OPHN1: variants seen among roughly 807,000 people sequenced by gnomAD.
OPHN1 encodes the protein oligophrenin-1.
In OPHN1, 11 loss-of-function variants were observed where a neutral mutation model predicts 60.7. That is an observed-to-expected ratio of 0.18 (90% confidence interval 0.11 to 0.30). The LOEUF is 0.30. OPHN1 is among the 10% of genes least tolerant of loss of function. The probability of loss-of-function intolerance (pLI) is 1.00; values close to 1 mark genes in which losing one functional copy is unlikely to be tolerated. For synonymous variants in OPHN1, 226 were observed against 222.6 expected, an observed-to-expected ratio of 1.02 and a Z score of -0.14; for missense variants, 449 against 611.0, an observed-to-expected ratio of 0.73 and a Z score of 2.80.
rs764938384 is a variant in OPHN1, at chrX:68,157,819, A to C, written c.1276+35100T>G. 3.4e-3 allele frequency among the ~76,000 whole-genome samples: 383 copies of C among 112,945 alleles called. 3 individuals carry two copies. Among genetic ancestry groups the C allele is most frequent in the African/African-American group, 0.012 (373 of 31,119 alleles). ...ACAGACAAAATTCATACCCCTATGG[A>C]GCTTAAGTACTAACGATGGCAAAGA... is the stretch of plus-strand genomic sequence containing the variant. On this transcript the variant is annotated intron_variant, in intron 15 of 24. Coordinates refer to ENST00000355520, the MANE Select transcript of OPHN1 (RefSeq NM_002547.3).
intron 15 of OPHN1, among the ~76,000 whole-genome samples, chrX:68,157,814 T>G (rs997561938): frequency 7.1e-5 from 8 of 112,556 alleles, no homozygotes; most frequent in African/African-American, 2.6e-4. Flanking sequence ...TTCATACCCC[T>G]ATGGAGCTTA....
At chrX:68,239,367 T>C in intron 5 of OPHN1, among the ~76,000 whole-genome samples, 1 of 110,617 alleles carries the variant, frequency 9.0e-6, no homozygotes, top group Non-Finnish European at 1.9e-5. Flanking sequence ...TCTAGGGTCT[T>C]GGGGTTTTTA....
chrX:68,232,415 G>T (rs1464229229), intron 6 of OPHN1, among the ~76,000 whole-genome samples: 1 of 111,297 alleles, frequency 9.0e-6, no homozygotes, highest in Non-Finnish European at 1.9e-5. Flanking sequence ...TCACGGTGGT[G>T]TCACCCAAGA....
chrX:68,272,449 A>G (rs2077974418), intron 5 of OPHN1, among the ~76,000 whole-genome samples: 1 of 112,560 alleles, frequency 8.9e-6, no homozygotes, highest in Non-Finnish European at 1.9e-5. Context: ...ACCACAAAAC[A>G]ATGTTTTAGT....
intron 9 of OPHN1, among the ~76,000 whole-genome samples, chrX:68,209,584 A>G (rs1341660106): frequency 1.8e-5 from 2 of 111,602 alleles, no homozygotes; most frequent in African/African-American, 6.5e-5. Flanking sequence ...AAAAGAAAAG[A>G]GCAAACATAT....
intron 15 of OPHN1, among the ~76,000 whole-genome samples, chrX:68,137,636 T>C (rs951370010): frequency 1.3e-4 from 14 of 111,798 alleles, no homozygotes; most frequent in Non-Finnish European, 1.9e-5. Flanking sequence ...TATAATTATA[T>C]ATTGTTTGGC....
intron 4 of OPHN1, among the ~76,000 whole-genome samples, chrX:68,280,763 T>G (rs1296745393): frequency 9.0e-6 from 1 of 111,541 alleles, no homozygotes; most frequent in African/African-American, 3.3e-5. Flanking sequence ...TCCAATAATT[T>G]TCTGCTGGTG....
At position 68,409,829 on chromosome X, in the gene OPHN1, A is replaced by G. The variant is rs2078760989; in HGVS notation, c.154+23038T>C. Among the ~76,000 whole-genome samples, 3 of 112,164 alleles carry G rather than the reference A, an allele frequency of 2.7e-5. No individual in the cohort carries two copies. The South Asian group carries it at 1.1e-3, about 42-fold the overall frequency. On this transcript the variant is annotated intron_variant, in intron 2 of 24. Coordinates refer to ENST00000355520, the MANE Select transcript of OPHN1 (RefSeq NM_002547.3). ...CAAATAACGTCATATTTTCATGAGT[A>G]GACTTAGGAAACTCCTTTATGTGGG...
At chrX:68,068,417 G>T (rs1475683173) in intron 20 of OPHN1, among the ~76,000 whole-genome samples, 1 of 96,144 alleles carries the variant, frequency 1.0e-5, no homozygotes, top group African/African-American at 3.9e-5. Flanking sequence ...GTTGCAGTGA[G>T]CTGAGATCGC....
chrX:68,175,005 A>T (rs755366720), intron 15 of OPHN1, among the ~76,000 whole-genome samples: 1 of 109,254 alleles, frequency 9.2e-6, no homozygotes, highest in Admixed American at 9.8e-5. Context: ...AATTGCTGGA[A>T]CCTGGGAGGC....
At chrX:68,270,392 T>C (rs1341134461) in intron 5 of OPHN1, among the ~76,000 whole-genome samples, 1 of 110,447 alleles carries the variant, frequency 9.1e-6, no homozygotes, top group African/African-American at 3.3e-5. Flanking sequence ...ATATACACCA[T>C]GGAATACTAT....
intron 2 of OPHN1, among the ~76,000 whole-genome samples, chrX:68,318,067 A>G (rs1354416970): frequency 8.9e-6 from 1 of 112,349 alleles, no homozygotes; most frequent in Non-Finnish European, 1.9e-5. Context: ...AAATCAGTTC[A>G]GCAAAGCTGC....
chrX:68,353,408 G>GAAAAAA (rs766331200), intron 2 of OPHN1, among the ~76,000 whole-genome samples: 2 of 48,150 alleles, frequency 4.2e-5, no homozygotes, highest in Non-Finnish European at 8.0e-5. Flanking sequence ...GTCTCTACAG[G>GAAAAAA]AAAAAAAAAA....
chrX:68,168,104 C>T (rs779328813), intron 15 of OPHN1, among the ~76,000 whole-genome samples: 5 of 110,488 alleles, frequency 4.5e-5, no homozygotes, highest in Admixed American at 9.7e-5. Flanking sequence ...CGAGACAGAA[C>T]GTTAACAAGG....
At chrX:68,354,159 A>G (rs1299542923) in intron 2 of OPHN1, among the ~76,000 whole-genome samples, 2 of 110,920 alleles carry the variant, frequency 1.8e-5, no homozygotes, top group Non-Finnish European at 3.8e-5. Flanking sequence ...AGAAGTTATG[A>G]TAAGGCCAGG....
At chrX:68,271,786 G>A (rs1386402703) in intron 5 of OPHN1, among the ~76,000 whole-genome samples, 1 of 111,110 alleles carries the variant, frequency 9.0e-6, no homozygotes, top group African/African-American at 3.3e-5. Context: ...TGAGGGCCCT[G>A]CAGAGAGGGT....
At chrX:68,305,590 T>G (rs1045240486) in intron 2 of OPHN1, among the ~76,000 whole-genome samples, 1 of 112,252 alleles carries the variant, frequency 8.9e-6, no homozygotes, top group Non-Finnish European at 1.9e-5. Flanking sequence ...GGCATAATGG[T>G]CATCTGACTA....
chrX:68,317,476 AGGAAGGGAGAGAGGG>A (rs1302749925), intron 2 of OPHN1, among the ~76,000 whole-genome samples: 1 of 91,789 alleles, frequency 1.1e-5, no homozygotes, highest in African/African-American at 4.1e-5. Context: ...GAGGAGGAGG[AGGAAGGGAGAGAGGG>A]AGGGAGAGAG....
intron 19 of OPHN1, among the ~76,000 whole-genome samples, chrX:68,086,479 C>T (rs1277910879): frequency 8.9e-6 from 1 of 111,973 alleles, no homozygotes; most frequent in Admixed American, 9.4e-5. Flanking sequence ...ACATGTCAGG[C>T]ACATGTCTAA....
Sources: allele counts gnomAD v4.1 joint callset (sites outside exome capture counted in the v4.1 genomes callset), GRCh38; gene constraint gnomAD v4.1.1; transcripts MANE v1.5; gene names NCBI Gene and HGNC (gene_info 2026-07-23, HGNC 2026-07-21).